The following RASGEF1A variants were observed in gnomAD, a reference collection of about 807,000 sequenced individuals.
RASGEF1A encodes the protein ras-GEF domain-containing family member 1A.
In RASGEF1A, 18 loss-of-function variants were observed where a neutral mutation model predicts 56.4. The observed-to-expected ratio is 0.32, with a 90% CI of 0.22 to 0.47. The LOEUF is 0.47. RASGEF1A is among the 20% of genes least tolerant of loss of function. The pLI is 1.00. For missense variants in RASGEF1A, 422 were observed against 627.1 expected (o/e 0.67, Z 3.49); for synonymous variants, 245 against 242.6 (o/e 1.01, Z -0.09).
At chr10:43,258,610 GC>G (rs1223266809) in intron 1 of RASGEF1A, among the ~76,000 whole-genome samples, 1 of 152,236 alleles carries the variant, frequency 6.6e-6, no homozygotes, top group East Asian at 1.9e-4. Context: ...GGCACCACCA[GC>G]AGGGAGCCTC....
At chr10:43,204,017 C>T (rs1157570903) in intron 2 of RASGEF1A, among the ~76,000 whole-genome samples, 1 of 152,062 alleles carries the variant, frequency 6.6e-6, no homozygotes, top group Non-Finnish European at 1.5e-5. Flanking sequence ...GGGCCTAGAC[C>T]CTGACTGCCA....
intron 1 of RASGEF1A, among the ~76,000 whole-genome samples, chr10:43,242,973 C>A (rs566556512): frequency 6.6e-6 from 1 of 152,032 alleles, no homozygotes; most frequent in African/African-American, 2.4e-5. Context: ...AAGTGAGCAG[C>A]GTCTCTGCCT....
intron 1 of RASGEF1A, among the ~76,000 whole-genome samples, chr10:43,220,757 C>A (rs1840196720): frequency 6.6e-6 from 1 of 150,976 alleles, no homozygotes. Context: ...TGCACTCCAG[C>A]CTGTGTGACA....
rs184563471 is a variant in RASGEF1A, at chr10:43,214,887, G to A, written c.-6-8765C>T. Among the ~76,000 whole-genome samples, 54 of 152,250 alleles carry A rather than the reference G, an allele frequency of 3.5e-4. No individual in the cohort carries two copies. The East Asian group carries it at 7.3e-3, about 21-fold the overall frequency. On this transcript the variant is annotated intron_variant, in intron 1 of 12. Coordinates refer to ENST00000395810, the MANE Select transcript of RASGEF1A (RefSeq NM_145313.4). ...CTCCCTCACCCAGGGAGACAGCCCG[G>A]AGAGGCCCGTTTCTCAGATGGGGAC...
chr10:43,201,167 G>C (rs1839891875), intron 4 of RASGEF1A, among the ~76,000 whole-genome samples: 1 of 152,214 alleles, frequency 6.6e-6, no homozygotes, highest in Non-Finnish European at 1.5e-5. Context: ...GAAAAGCATG[G>C]CTTTTTCAGA....
chr10:43,266,197 AC>A (rs1217559256), intron 1 of RASGEF1A, among the ~76,000 whole-genome samples: 1 of 151,810 alleles, frequency 6.6e-6, no homozygotes, highest in Non-Finnish European at 1.5e-5. Context: ...TCACTCACCG[AC>A]CCTCGGACCA....
chr10:43,237,431 ACTCTCCCCCTCCTCCCCTCCC>A (rs1053205017), intron 1 of RASGEF1A, among the ~76,000 whole-genome samples: 2 of 49,580 alleles, frequency 4.0e-5, no homozygotes, highest in African/African-American at 1.6e-4. Flanking sequence ...CCTAACTCCC[ACTCTCCCCCTCCTCCCCTCCC>A]CTCCCCCCCA....
chr10:43,233,603 T>C (rs934314623), intron 1 of RASGEF1A, among the ~76,000 whole-genome samples: 1 of 152,012 alleles, frequency 6.6e-6, no homozygotes, highest in Non-Finnish European at 1.5e-5. Context: ...AAGGCTACCA[T>C]CAAAAGGCAG....
chr10:43,212,518 C>T (rs1189709255), intron 1 of RASGEF1A, among the ~76,000 whole-genome samples: 2 of 152,122 alleles, frequency 1.3e-5, no homozygotes, highest in African/African-American at 4.8e-5. Context: ...CATTGGTGGT[C>T]GGCCTGGGGC....
At chr10:43,240,913 A>T (rs10899782) in intron 1 of RASGEF1A, among the ~76,000 whole-genome samples, 25,321 of 152,210 alleles carry the variant, frequency 0.17, 2,722 homozygotes, top group East Asian at 0.51. Flanking sequence ...AAGGGCAGGA[A>T]GCAGTTGAGC....
At chr10:43,252,249 G>C (rs1840634603) in intron 1 of RASGEF1A, among the ~76,000 whole-genome samples, 1 of 152,202 alleles carries the variant, frequency 6.6e-6, no homozygotes, top group African/African-American at 2.4e-5. Context: ...CCACATCGTG[G>C]ACACATCTTT....
At chr10:43,200,956 G>T in intron 4 of RASGEF1A, 68 bp from the exon 5 acceptor site, 3 of 1,427,914 alleles carry the variant, frequency 2.1e-6, no homozygotes, top group Non-Finnish European at 2.9e-6. Context: ...CTGTGGGTAG[G>T]ATCCATCTCA....
chr10:43,254,723 C>A (rs1041626599), intron 1 of RASGEF1A, among the ~76,000 whole-genome samples: 2 of 152,176 alleles, frequency 1.3e-5, no homozygotes, highest in Non-Finnish European at 2.9e-5. Context: ...GAAACCGCTG[C>A]TGTAGCTCAG....
chr10:43,250,627 G>A (rs1840617295), intron 1 of RASGEF1A, among the ~76,000 whole-genome samples: 1 of 149,752 alleles, frequency 6.7e-6, no homozygotes. Flanking sequence ...CAAGTGTGGG[G>A]TGTGCCGAAG....
chr10:43,199,837 G>A, intron 6 of RASGEF1A, 69 bp from the exon 7 acceptor site: 3 of 1,300,614 alleles, frequency 2.3e-6, no homozygotes, highest in Non-Finnish European at 2.2e-6. Flanking sequence ...CCCCACAGCT[G>A]GCCCTGGTCC....
intron 1 of RASGEF1A, among the ~76,000 whole-genome samples, chr10:43,241,278 C>T (rs1840495084): frequency 6.6e-6 from 1 of 152,176 alleles, no homozygotes; most frequent in Non-Finnish European, 1.5e-5. Context: ...TATGACCATA[C>T]TACCCTGAAT....
At chr10:43,212,273 G>A (rs957693288) in intron 1 of RASGEF1A, among the ~76,000 whole-genome samples, 1 of 152,216 alleles carries the variant, frequency 6.6e-6, no homozygotes, top group African/African-American at 2.4e-5. Context: ...CCTGCTGCCC[G>A]GGACTGTGCT....
At chr10:43,212,712 G>A (rs1052654899) in intron 1 of RASGEF1A, among the ~76,000 whole-genome samples, 1 of 152,222 alleles carries the variant, frequency 6.6e-6, no homozygotes, top group Non-Finnish European at 1.5e-5. Context: ...CCTGGGTGAG[G>A]GACTGTGGGA....
chr10:43,217,531 AGCTCT>A (rs1376191103), intron 1 of RASGEF1A, among the ~76,000 whole-genome samples: 3 of 152,228 alleles, frequency 2.0e-5, no homozygotes, highest in Admixed American at 6.5e-5. Context: ...AGGTCCTCCC[AGCTCT>A]GTGGAAGAAG....
Sources: allele counts gnomAD v4.1 joint callset (sites outside exome capture counted in the v4.1 genomes callset), GRCh38; gene constraint gnomAD v4.1.1; transcripts MANE v1.5; gene names NCBI Gene and HGNC (gene_info 2026-07-23, HGNC 2026-07-21).